PCTP: variants seen among roughly 807,000 people sequenced by gnomAD.
PCTP encodes the protein START domain-containing protein 2.
In PCTP, 27 loss-of-function variants were observed where a neutral mutation model predicts 31.0. The observed-to-expected ratio is 0.87, with a 90% CI of 0.64 to 1.20. The LOEUF is 1.20. Among genes scored for constraint, PCTP ranks in the 50% most tolerant of loss-of-function variants. The pLI, the probability that PCTP is intolerant of heterozygous loss-of-function variation, is 0.00. For missense variants in PCTP, 287 were observed against 268.2 expected (o/e 1.07, Z -0.49); for synonymous variants, 108 against 101.2 (o/e 1.07, Z -0.40).
intron 3 of PCTP, among the ~76,000 whole-genome samples, chr17:55,820,891 G>A (rs1242883069): frequency 6.6e-6 from 1 of 152,194 alleles, no homozygotes. Context: ...GTGTTGGCAA[G>A]GATATGAAGA....
At chr17:55,791,316 A>C (rs969605362) in intron 3 of PCTP, among the ~76,000 whole-genome samples, 1 of 150,152 alleles carries the variant, frequency 6.7e-6, no homozygotes, top group Non-Finnish European at 1.5e-5. Context: ...GGATCTAATT[A>C]AACTAAAGAG....
At chr17:55,781,995 A>G (rs1911581022), downstream of PCTP, among the ~76,000 whole-genome samples, 1 of 152,194 alleles carries the variant, frequency 6.6e-6, no homozygotes, top group Non-Finnish European at 1.5e-5. Flanking sequence ...GAGAAGTCCC[A>G]AAACCTTCAG....
In PCTP at chr17:55,777,084, A is replaced by G. The variant is rs1911375752; in HGVS notation, c.*984A>G. The G allele has an allele frequency of 1.0e-6, 1 of 985,750 alleles. No homozygotes were observed. Among genetic ancestry groups the G allele is most frequent in the African/African-American group, 1.7e-5 (1 of 57,240 alleles). The allele number at this position is 985,750 out of a possible 1,614,324, so 61.1% of individuals were successfully genotyped here. A position where few individuals can be genotyped will look rare whatever the true frequency, so the allele number is the denominator to read the frequency against. On this transcript the variant is annotated 3_prime_UTR_variant, in exon 6 of 6. Coordinates refer to ENST00000268896, the MANE Select transcript of PCTP (RefSeq NM_021213.4). ...ATGACTCTGCACCTTTTTCTCAGGA[A>G]TTCTGCCTAAGTTGTCTGCCTTTTC...
At chr17:55,847,856 T>G in the PCTP span, among the ~76,000 whole-genome samples, 9 of 152,240 alleles carry the variant, frequency 5.9e-5, no homozygotes, top group African/African-American at 2.2e-4. Flanking sequence ...CTGTTCAGTC[T>G]ACCAATTCAA....
At chr17:55,787,672 T>G (rs1192487068) in intron 3 of PCTP, 1 of 144,338 alleles carries the variant, frequency 6.9e-6, no homozygotes, top group African/African-American at 2.9e-5. Flanking sequence ...TATTTCTGTT[T>G]TATATCAATA....
At chr17:55,803,112 G>A (rs1165670648) in intron 3 of PCTP, among the ~76,000 whole-genome samples, 1 of 152,140 alleles carries the variant, frequency 6.6e-6, no homozygotes, top group East Asian at 1.9e-4. Context: ...ATTCACAATT[G>A]CTACAAAGAG....
At chr17:55,810,733 C>A (rs1477060746) in intron 3 of PCTP, among the ~76,000 whole-genome samples, 1 of 152,116 alleles carries the variant, frequency 6.6e-6, no homozygotes, top group African/African-American at 2.4e-5. Flanking sequence ...CCCTAAGAGT[C>A]CACTAGAGGA....
chr17:55,761,976 A>G (rs1004756787), intron 1 of PCTP, among the ~76,000 whole-genome samples: 1 of 152,212 alleles, frequency 6.6e-6, no homozygotes, highest in South Asian at 2.1e-4. Context: ...TCAAGGAGTT[A>G]GGGAAAGAAG....
downstream of PCTP, among the ~76,000 whole-genome samples, chr17:55,778,468 C>G (rs1162324454): frequency 6.6e-6 from 1 of 152,068 alleles, no homozygotes; most frequent in Non-Finnish European, 1.5e-5. Context: ...AGTAGGCACT[C>G]GAATGGTGAC....
intron 3 of PCTP, among the ~76,000 whole-genome samples, chr17:55,808,608 A>C (rs1417706276): frequency 6.6e-6 from 1 of 152,236 alleles, no homozygotes; most frequent in African/African-American, 2.4e-5. Flanking sequence ...CAAAGCACAC[A>C]GAGTTTGGAT....
At chr17:55,810,475 G>A (rs1479353444) in intron 3 of PCTP, among the ~76,000 whole-genome samples, 2 of 152,214 alleles carry the variant, frequency 1.3e-5, no homozygotes, top group Non-Finnish European at 2.9e-5. Flanking sequence ...CCAGGGGTAG[G>A]GGGCTTGTCC....
At chr17:55,849,484 G>T in the PCTP span, among the ~76,000 whole-genome samples, 1 of 152,090 alleles carries the variant, frequency 6.6e-6, no homozygotes. Context: ...ATGGCTGGGG[G>T]TGGTGGCGGG....
At chr17:55,774,018 G>C (rs1597988232) in intron 4 of PCTP, 123 bp downstream of exon 4, 3 of 1,184,904 alleles carry the variant, frequency 2.5e-6, no homozygotes, top group East Asian at 5.2e-5. Context: ...AGGCAAAGCT[G>C]CAGAGCAAAC....
downstream of PCTP, among the ~76,000 whole-genome samples, chr17:55,843,186 TTTATA>T (rs80135540): frequency 0.017 from 2,644 of 152,196 alleles, 44 homozygotes; most frequent in Admixed American, 0.027. Flanking sequence ...TTGATAATAT[TTTATA>T]TTATAATAAT....
At chr17:55,826,563 A>G (rs1160031077), downstream of PCTP, among the ~76,000 whole-genome samples, 1 of 152,044 alleles carries the variant, frequency 6.6e-6, no homozygotes, top group African/African-American at 2.4e-5. Flanking sequence ...TGAAAAGGAT[A>G]TAGTTCGGGA....
chr17:55,802,349 C>T (rs530464472), intron 3 of PCTP, among the ~76,000 whole-genome samples: 1 of 152,276 alleles, frequency 6.6e-6, no homozygotes, highest in Middle Eastern at 3.4e-3. Flanking sequence ...AGAGGGACTC[C>T]TCCCTAACTC....
intron 5 of PCTP, among the ~76,000 whole-genome samples, chr17:55,828,943 C>A (rs1225741753): frequency 6.6e-6 from 1 of 152,136 alleles, no homozygotes; most frequent in Non-Finnish European, 1.5e-5. Context: ...GGGCTTCTTC[C>A]CAGTCCCCCC....
chr17:55,824,209 AG>A (rs1232283102), downstream of PCTP, among the ~76,000 whole-genome samples: 2 of 152,082 alleles, frequency 1.3e-5, no homozygotes, highest in East Asian at 3.8e-4. Flanking sequence ...TCAGTGACCC[AG>A]TTACTGACCT....
chr17:55,799,515 G>A (rs192608769), intron 3 of PCTP, among the ~76,000 whole-genome samples: 382 of 151,606 alleles, frequency 2.5e-3, no homozygotes, highest in Non-Finnish European at 4.1e-3. Flanking sequence ...AATGGGTCTT[G>A]ACTCTTTATG....
Sources: gnomAD v4.1 joint callset for allele counts (sites outside exome capture counted in the v4.1 genomes callset) on GRCh38, gnomAD v4.1.1 for gene constraint, MANE v1.5 for transcripts, NCBI Gene and HGNC (gene_info 2026-07-23, HGNC 2026-07-21) for gene names.